The following GALNT13 variants were observed in gnomAD, a reference collection of about 807,000 sequenced individuals.
The protein encoded by GALNT13 is UDP-GalNAc:polypeptide N-acetylgalactosaminyltransferase 13.
In GALNT13, 28 loss-of-function variants were observed where a neutral mutation model predicts 64.2. The ratio of observed to expected loss-of-function variants is 0.44; its 90% confidence interval spans 0.32 to 0.60. GALNT13 has a LOEUF of 0.60. Ranked by LOEUF, GALNT13 falls within the 20% of genes least tolerant of loss-of-function variation. The probability of loss-of-function intolerance (pLI) is 0.05; values close to 1 mark genes in which losing one functional copy is unlikely to be tolerated. For missense variants in GALNT13, 577 were observed against 669.8 expected, an observed-to-expected ratio of 0.86 and a Z score of 1.53; for synonymous variants, 214 against 224.6, an observed-to-expected ratio of 0.95 and a Z score of 0.42.
At chr2:154,454,030 A>G (rs1227077599), downstream of GALNT13, among the ~76,000 whole-genome samples, 1 of 152,156 alleles carries the variant, frequency 6.6e-6, no homozygotes, top group Non-Finnish European at 1.5e-5. Context: ...GTTGTGTCCA[A>G]TGGCCACTTG....
chr2:154,184,836 A>C (rs1686166049), intron 4 of GALNT13, among the ~76,000 whole-genome samples: 1 of 152,102 alleles, frequency 6.6e-6, no homozygotes, highest in South Asian at 2.1e-4. Context: ...TTGCAGCTCT[A>C]GTTATTTGTA....
intron 1 of GALNT13, among the ~76,000 whole-genome samples, chr2:153,899,053 A>G (rs928705802): frequency 1.8e-4 from 27 of 152,174 alleles, no homozygotes; most frequent in Non-Finnish European, 3.8e-4. Context: ...AAACCTACAT[A>G]TAAGGATTTT....
chr2:153,585,727 G>C, the GALNT13 span, among the ~76,000 whole-genome samples: 1 of 152,060 alleles, frequency 6.6e-6, no homozygotes, highest in African/African-American at 2.4e-5. Context: ...TACTACCAGT[G>C]AACTCTTCAG....
At chr2:153,914,865 C>T (rs939313014) in intron 2 of GALNT13, among the ~76,000 whole-genome samples, 1 of 152,106 alleles carries the variant, frequency 6.6e-6, no homozygotes, top group Non-Finnish European at 1.5e-5. Context: ...GACAATCCTC[C>T]AGTGGTAAAT....
chr2:153,562,058 CTCTGTG>C, the GALNT13 span, among the ~76,000 whole-genome samples: 398 of 87,184 alleles, frequency 4.6e-3, 1 homozygote, highest in African/African-American at 0.016. Context: ...CTCTCTCTCT[CTCTGTG>C]TGTGTGTGTG....
intron 4 of GALNT13, among the ~76,000 whole-genome samples, chr2:154,172,164 CTT>C (rs1221811895): frequency 1.3e-5 from 2 of 151,756 alleles, no homozygotes; most frequent in African/African-American, 2.4e-5. Context: ...TATTTTAAAA[CTT>C]ATTTTTATTT....
At chr2:153,661,493 A>T in the GALNT13 span, among the ~76,000 whole-genome samples, 3 of 152,164 alleles carry the variant, frequency 2.0e-5, no homozygotes, top group Non-Finnish European at 4.4e-5. Context: ...TTTTTTATGA[A>T]AGCATACTAA....
At chr2:153,234,890 C>G in the GALNT13 span, among the ~76,000 whole-genome samples, 1 of 152,162 alleles carries the variant, frequency 6.6e-6, no homozygotes, top group African/African-American at 2.4e-5. Flanking sequence ...CAGGCATATG[C>G]CATTTTATTG....
the GALNT13 span, among the ~76,000 whole-genome samples, chr2:153,846,310 G>A: frequency 6.6e-6 from 1 of 152,046 alleles, no homozygotes; most frequent in Non-Finnish European, 1.5e-5. Flanking sequence ...ACACAAGGAA[G>A]AAAGTAAAGC....
chr2:153,982,408 A>G lies in GALNT13; in HGVS notation c.142+37769A>G, dbSNP rs753353504. Among the ~76,000 whole-genome samples the G allele has an allele frequency of 1.0e-3, 155 of 152,234 alleles. 1 individual carries two copies. Among genetic ancestry groups the G allele is most frequent in the Non-Finnish European group, 8.2e-4 (56 of 67,970 alleles). On this transcript the variant is annotated intron_variant, in intron 3 of 12. Coordinates refer to ENST00000392825, the MANE Select transcript of GALNT13 (RefSeq NM_052917.4). ...ACAAAGCATTTTCTACTGTACTACC[A>G]ATATTGTGCTATGTCACTTTACGAA...
the GALNT13 span, among the ~76,000 whole-genome samples, chr2:153,442,040 T>C: frequency 6.6e-6 from 1 of 152,228 alleles, no homozygotes; most frequent in Non-Finnish European, 1.5e-5. Context: ...TCAAAGGGAA[T>C]GCTTCCAGCT....
the GALNT13 span, among the ~76,000 whole-genome samples, chr2:153,206,803 C>T: frequency 6.6e-6 from 1 of 152,080 alleles, no homozygotes; most frequent in East Asian, 1.9e-4. Flanking sequence ...ATTTCTGTAC[C>T]TTCTTTAAAA....
chr2:153,828,873 T>C, the GALNT13 span, among the ~76,000 whole-genome samples: 1 of 152,206 alleles, frequency 6.6e-6, no homozygotes, highest in Non-Finnish European at 1.5e-5. Context: ...CTCTTGAATG[T>C]TTTGCTGCTC....
chr2:153,440,008 G>T, the GALNT13 span, among the ~76,000 whole-genome samples: 1 of 152,126 alleles, frequency 6.6e-6, no homozygotes, highest in South Asian at 2.1e-4. Flanking sequence ...GGATGTGCAG[G>T]TTTGTTACAT....
Position 154,242,788 on chromosome 2 carries a change from G to C in GALNT13, c.569G>C (p.Arg190Pro). The C allele has an allele frequency of 6.2e-7, 1 of 1,613,892 alleles. No homozygotes were observed. Among genetic ancestry groups the C allele is most frequent in the Non-Finnish European group, 8.5e-7 (1 of 1,179,772 alleles). ...IRMEERSGLI[R>P]ARLRGAAASK... is the part of the protein sequence containing the mutation. ...ATGGAAGAACGCTCTGGGTTAATAC[G>C]TGCCCGTCTTCGAGGAGCAGCTGCT... Residue 190 changes from arginine to proline, a missense_variant, in exon 6 of 13, where the codon CGT becomes CCT. Coordinates refer to ENST00000392825, the MANE Select transcript of GALNT13 (RefSeq NM_052917.4).
intron 3 of GALNT13, among the ~76,000 whole-genome samples, chr2:153,953,802 T>G (rs888890888): frequency 6.6e-6 from 1 of 152,152 alleles, no homozygotes; most frequent in Admixed American, 6.6e-5. Context: ...CATTTTAAGT[T>G]GCTCTTATTC....
chr2:154,154,146 G>A (rs890978972), intron 4 of GALNT13, among the ~76,000 whole-genome samples: 10 of 152,002 alleles, frequency 6.6e-5, no homozygotes, highest in African/African-American at 1.7e-4. Flanking sequence ...GTGACTTAAG[G>A]CAGAAATACT....
intron 8 of GALNT13, among the ~76,000 whole-genome samples, chr2:154,259,705 G>A (rs991916030): frequency 6.6e-5 from 10 of 152,210 alleles, no homozygotes; most frequent in African/African-American, 2.4e-4. Context: ...TATTAGGAAA[G>A]TTTAATAATA....
At chr2:154,420,894 A>T (rs1011986584) in intron 11 of GALNT13, among the ~76,000 whole-genome samples, 8 of 152,142 alleles carry the variant, frequency 5.3e-5, no homozygotes, top group African/African-American at 1.9e-4. Flanking sequence ...ACTTATGATT[A>T]GTTGCTTTGC....
Sources: allele counts gnomAD v4.1 joint callset (sites outside exome capture counted in the v4.1 genomes callset), GRCh38; gene constraint gnomAD v4.1.1; transcripts MANE v1.5; gene names NCBI Gene and HGNC (gene_info 2026-07-23, HGNC 2026-07-21).